DOP1B: variants seen among roughly 807,000 people sequenced by gnomAD.
The protein encoded by DOP1B is DOP1 leucine zipper like protein B.
DOP1B carries 174 observed loss-of-function variants against 233.5 expected under a neutral mutation model. That is an observed-to-expected ratio of 0.75 (90% CI 0.66 to 0.85). The LOEUF is 0.85. Ranked by LOEUF, DOP1B falls within the 40% of genes least tolerant of loss-of-function variation. The pLI is 0.00. For synonymous variants in DOP1B, 1,190 were observed against 1,185.6 expected, an observed-to-expected ratio of 1.00 and a Z score of -0.08; for missense variants, 2,652 against 2,846.6, an observed-to-expected ratio of 0.93 and a Z score of 1.56.
At chr21:36,271,168 C>T (rs894992847) in intron 27 of DOP1B, among the ~76,000 whole-genome samples, 2 of 151,068 alleles carry the variant, frequency 1.3e-5, no homozygotes, top group African/African-American at 2.4e-5. Flanking sequence ...AGCAAACTAC[C>T]TTCTCAAGTC....
intron 35 of DOP1B, among the ~76,000 whole-genome samples, chr21:36,289,427 GTGTGTGTGTGTGTGTGTGT>G (rs2067531137): frequency 2.0e-4 from 2 of 10,210 alleles, no homozygotes; most frequent in Non-Finnish European, 3.4e-4. Context: ...TTTCTATGGT[GTGTGTGTGTGTGTGTGTGT>G]GTGTGTGTGT....
intron 32 of DOP1B, among the ~76,000 whole-genome samples, chr21:36,283,812 A>G (rs1044914708): frequency 2.0e-5 from 3 of 152,132 alleles, no homozygotes; most frequent in African/African-American, 4.8e-5. Flanking sequence ...ACCACTAGAC[A>G]GTGGCCCTAA....
chr21:36,208,823 AG>A lies in DOP1B; in HGVS notation c.601del (p.Val201SerfsTer28). Reference sequence around the variant, plus strand: ...GCCCGTCCATCCGCCTCCCTGCCTCAGTCTTCGTGGTGGGCCACATCAACAG... The same window carrying A: ...GCCCGTCCATCCGCCTCCCTGCCTCATCTTCGTGGTGGGCCACATCAACAG... Reference protein sequence around the residue: ...ASPSIRLPASVFVVGHINRDA... With the variant: ...ASPSIRLPASXFVVGHINRDA... On this transcript the variant is annotated frameshift_variant, in exon 5 of 37. Coordinates refer to ENST00000691173, the MANE Select transcript of DOP1B (RefSeq NM_001320714.2). LOFTEE classifies it high-confidence loss of function. 6.2e-7 allele frequency: 1 copy of A among 1,604,184 alleles called. No homozygotes were observed. Among genetic ancestry groups the A allele is most frequent in the South Asian group, 1.1e-5 (1 of 89,500 alleles).
At position 36,208,743 on chromosome 21, in the gene DOP1B, C is replaced by T; in HGVS notation, c.520C>T (p.Leu174=). The T allele has an allele frequency of 6.2e-7, 1 of 1,613,720 alleles. No individual in the cohort carries two copies. Among genetic ancestry groups the T allele is most frequent in the Non-Finnish European group, 8.5e-7 (1 of 1,179,820 alleles). The change falls in exon 5 of 37, where the codon CTG becomes TTG. Residue 174 remains leucine (L), a synonymous_variant. Transcript: ENST00000691173. ...GGATGCTCTGCTCCTGAGACTGTCG[C>T]TGGTGGTTGGCAAAGAGGTGTTTTA... ...RTDALLLRLS[L]VVGKEVFYTA...
intron 3 of DOP1B, among the ~76,000 whole-genome samples, 173 bp from the exon 4 acceptor site, chr21:36,200,158 G>C (rs2066344196): frequency 6.6e-6 from 1 of 151,544 alleles, no homozygotes; most frequent in African/African-American, 2.4e-5. Flanking sequence ...TTCATTGCTG[G>C]CTTGTTACGT....
intron 27 of DOP1B, among the ~76,000 whole-genome samples, chr21:36,274,600 G>A (rs1807501127): frequency 1.3e-5 from 2 of 152,070 alleles, no homozygotes; most frequent in Non-Finnish European, 2.9e-5. Context: ...GAAGGCCCCA[G>A]GGGCAGACAC....
chr21:36,221,305 C>T (rs1274439029), intron 10 of DOP1B, among the ~76,000 whole-genome samples: 2 of 151,754 alleles, frequency 1.3e-5, no homozygotes, highest in Admixed American at 6.6e-5. Context: ...CCAGCCTGGC[C>T]AACATGACAA....
At position 36,246,499 on chromosome 21, in the gene DOP1B, C is replaced by T; in HGVS notation, c.4519C>T (p.Leu1507=). ...TCTGGTCTCTGCGGTGGTGAGGGGT[C>T]TGCAGCCCGCCTACGGTTACGGCAT... The part of the protein sequence containing the change: ...GLLVSAVVRG[L]QPAYGYGMHP... The change falls in exon 19 of 37, where the codon CTG becomes TTG. Residue 1507 remains leucine (L), a synonymous_variant. Coordinates refer to ENST00000691173, the MANE Select transcript of DOP1B (RefSeq NM_001320714.2). The surrounding 1 kb of genome is among the most constrained non-coding windows in gnomAD (Gnocchi z 5.1). 6.2e-7 allele frequency: 1 copy of T among 1,614,152 alleles called. No individual in the cohort carries two copies. The highest frequency in any genetic ancestry group is 2.2e-5 in the East Asian group (1 of 44,878).
At chr21:36,213,696 G>A (rs765702193) in intron 7 of DOP1B, among the ~76,000 whole-genome samples, 6 of 151,912 alleles carry the variant, frequency 3.9e-5, no homozygotes, top group Non-Finnish European at 2.9e-5. Flanking sequence ...GCGCCATCAC[G>A]CCCGGCTAAT....
At chr21:36,188,629 A>C (rs2066194524) in intron 2 of DOP1B, among the ~76,000 whole-genome samples, 1 of 152,182 alleles carries the variant, frequency 6.6e-6, no homozygotes, top group Non-Finnish European at 1.5e-5. Flanking sequence ...GAACACCCTT[A>C]CAAAGATGCC....
At chr21:36,194,771 G>A (rs1172003598) in intron 2 of DOP1B, among the ~76,000 whole-genome samples, 1 of 152,154 alleles carries the variant, frequency 6.6e-6, no homozygotes, top group Non-Finnish European at 1.5e-5. Flanking sequence ...ACAGGCGTGA[G>A]CCACTGCACC....
chr21:36,285,489 C>CAG (rs1206098496), intron 32 of DOP1B, among the ~76,000 whole-genome samples: 1 of 152,038 alleles, frequency 6.6e-6, no homozygotes, highest in Non-Finnish European at 1.5e-5. Context: ...TGACAGTTTA[C>CAG]AGAGCACTTT....
At chr21:36,200,133 G>A (rs115023495) in intron 3 of DOP1B, among the ~76,000 whole-genome samples, 198 bp from the exon 4 acceptor site, 80 of 152,216 alleles carry the variant, frequency 5.3e-4, no homozygotes, top group African/African-American at 1.8e-3. Flanking sequence ...TTTAGCATCT[G>A]AACGTGCGGA....
intron 2 of DOP1B, among the ~76,000 whole-genome samples, chr21:36,171,655 G>A (rs2065972765): frequency 6.6e-6 from 1 of 152,198 alleles, no homozygotes; most frequent in Admixed American, 6.5e-5. Context: ...GCAGCGGGGG[G>A]AGAGGCACGG....
intron 27 of DOP1B, among the ~76,000 whole-genome samples, chr21:36,276,669 C>T (rs990185512): frequency 3.3e-5 from 5 of 152,024 alleles, no homozygotes; most frequent in South Asian, 2.1e-4. Flanking sequence ...GGCAAAACCC[C>T]GTCTCTACTA....
intron 9 of DOP1B, 138 bp from the exon 10 acceptor site, chr21:36,219,234 T>A (rs2066596433): frequency 8.6e-7 from 1 of 1,162,600 alleles, no homozygotes; most frequent in Non-Finnish European, 1.2e-6. Context: ...TAAAGTTAAG[T>A]TTCTGTATAT....
intron 1 of DOP1B, among the ~76,000 whole-genome samples, chr21:36,158,181 A>G (rs1452687056): frequency 6.6e-6 from 1 of 152,200 alleles, no homozygotes; most frequent in Non-Finnish European, 1.5e-5. Flanking sequence ...GTATCTGAGC[A>G]GATACACTTC....
intron 2 of DOP1B, chr21:36,170,230 A>G: frequency 2.6e-6 from 1 of 383,464 alleles, no homozygotes; most frequent in Admixed American, 4.1e-5. Context: ...TTTGATTTGC[A>G]TTTCCCTAAT....
intron 18 of DOP1B, among the ~76,000 whole-genome samples, chr21:36,242,056 T>G (rs1328184685): frequency 6.6e-6 from 1 of 152,090 alleles, no homozygotes; most frequent in African/African-American, 2.4e-5. Context: ...AGAACCTTCT[T>G]AAAAGTTTGG....
Sources: allele counts gnomAD v4.1 joint callset (sites outside exome capture counted in the v4.1 genomes callset), GRCh38; gene constraint gnomAD v4.1.1; non-coding constraint Gnocchi (gnomAD v3.1); transcripts MANE v1.5; gene names NCBI Gene and HGNC (gene_info 2026-07-23, HGNC 2026-07-21).